Variants in PPARGC1A observed in about 807,000 individuals in gnomAD.
The protein encoded by PPARGC1A is PPARG coactivator 1 alpha, also known as peroxisome proliferator-activated receptor gamma coactivator 1-alpha.
A neutral mutation model predicts 88.7 loss-of-function variants in PPARGC1A; 25 were observed. That is an observed-to-expected ratio of 0.28 (90% CI 0.21 to 0.39). The LOEUF (loss-of-function observed/expected upper bound fraction) is 0.39, where lower values mean the gene tolerates loss of function less well. Among genes scored for constraint, PPARGC1A ranks in the 10% least tolerant of loss-of-function variants. The probability of loss-of-function intolerance (pLI) is 1.00; values close to 1 mark genes in which losing one functional copy is unlikely to be tolerated. For missense variants in PPARGC1A, 880 were observed against 968.7 expected, an observed-to-expected ratio of 0.91 and a Z score of 1.22; for synonymous variants, 363 against 355.6, an observed-to-expected ratio of 1.02 and a Z score of -0.24.
rs1165822767 is a variant in PPARGC1A, at chr4:23,792,338, G to T, written c.*3484C>A. 6.6e-6 allele frequency: 1 copy of T among 152,502 alleles called. No individual in the cohort carries two copies. The highest frequency in any genetic ancestry group is 6.6e-5 in the Admixed American group (1 of 15,238). 9.4% of individuals were successfully genotyped at this position (152,502 alleles called of 1,614,324 possible). ...CACATTATAGTACATGGCTATTCTAGGTCATCTATAGATCAGGTCTTAGAC... is the reference window on the plus strand; with the variant it reads ...CACATTATAGTACATGGCTATTCTATGTCATCTATAGATCAGGTCTTAGAC... On this transcript the variant is annotated 3_prime_UTR_variant, in exon 13 of 13. Coordinates refer to ENST00000264867, the MANE Select transcript of PPARGC1A (RefSeq NM_013261.5).
chr4:24,182,151 C>A, the PPARGC1A span, among the ~76,000 whole-genome samples: 1 of 152,120 alleles, frequency 6.6e-6, no homozygotes, highest in African/African-American at 2.4e-5. Flanking sequence ...CCTCTTCTTG[C>A]TCCCACCCCG....
At chr4:24,310,568 C>T in the PPARGC1A span, among the ~76,000 whole-genome samples, 1 of 152,096 alleles carries the variant, frequency 6.6e-6, no homozygotes, top group African/African-American at 2.4e-5. Context: ...CTGCATGGGG[C>T]CAACTGAAAG....
chr4:24,299,440 A>G, the PPARGC1A span, among the ~76,000 whole-genome samples: 1 of 152,148 alleles, frequency 6.6e-6, no homozygotes, highest in Non-Finnish European at 1.5e-5. Context: ...ACAGAAGTCA[A>G]TATATGGGCT....
At chr4:24,075,700 T>C in the PPARGC1A span, among the ~76,000 whole-genome samples, 1 of 152,156 alleles carries the variant, frequency 6.6e-6, no homozygotes, top group Admixed American at 6.5e-5. Flanking sequence ...GGAATTCCCC[T>C]GTGCATGCTC....
the PPARGC1A span, among the ~76,000 whole-genome samples, chr4:24,032,710 A>T: frequency 6.6e-6 from 1 of 152,142 alleles, no homozygotes; most frequent in African/African-American, 2.4e-5. Flanking sequence ...TTTTTAGCAC[A>T]TGTCAAAATT....
chr4:24,325,616 C>A, the PPARGC1A span, among the ~76,000 whole-genome samples: 1 of 152,302 alleles, frequency 6.6e-6, no homozygotes, highest in African/African-American at 2.4e-5. Flanking sequence ...ACTCCCAGAG[C>A]CCCTGGAACT....
At chr4:24,185,328 G>A in the PPARGC1A span, among the ~76,000 whole-genome samples, 1 of 152,128 alleles carries the variant, frequency 6.6e-6, no homozygotes, top group Admixed American at 6.5e-5. Flanking sequence ...ACAGAGAGGT[G>A]GATGATTTTT....
chr4:24,387,777 A>G, the PPARGC1A span, among the ~76,000 whole-genome samples: 1 of 67,392 alleles, frequency 1.5e-5, no homozygotes, highest in East Asian at 5.0e-4. Flanking sequence ...AGAAAGAAAG[A>G]AAGAAAGAAA....
the PPARGC1A span, among the ~76,000 whole-genome samples, chr4:23,969,812 G>A: frequency 6.6e-6 from 1 of 152,078 alleles, no homozygotes; most frequent in African/African-American, 2.4e-5. Context: ...TGCCTCAAGG[G>A]CAGCATCGAA....
chr4:23,988,730 G>A, the PPARGC1A span, among the ~76,000 whole-genome samples: 1 of 150,996 alleles, frequency 6.6e-6, no homozygotes, highest in African/African-American at 2.4e-5. Context: ...GTAAGTTTAT[G>A]TGTTTATATT....
the PPARGC1A span, among the ~76,000 whole-genome samples, chr4:24,207,536 T>C: frequency 1.3e-5 from 2 of 152,348 alleles, no homozygotes; most frequent in Admixed American, 1.3e-4. Context: ...ACTTGCTCAT[T>C]TTTAAACAAG....
the PPARGC1A span, among the ~76,000 whole-genome samples, chr4:23,921,858 C>T: frequency 3.9e-5 from 6 of 152,160 alleles, no homozygotes; most frequent in Admixed American, 1.3e-4. Flanking sequence ...AACGGAATAC[C>T]TCTTCTTGGC....
the PPARGC1A span, among the ~76,000 whole-genome samples, chr4:24,211,111 T>C: frequency 6.6e-6 from 1 of 152,198 alleles, no homozygotes; most frequent in African/African-American, 2.4e-5. Flanking sequence ...AAGAACTTTT[T>C]CATGTCTTGT....
At chr4:23,907,624 A>G (rs553623039), upstream of PPARGC1A, among the ~76,000 whole-genome samples, 1 of 152,292 alleles carries the variant, frequency 6.6e-6, no homozygotes, top group South Asian at 2.1e-4. Context: ...TACCTACCTC[A>G]CAGACTAAAC....
the PPARGC1A span, among the ~76,000 whole-genome samples, chr4:24,163,209 C>T: frequency 7.5e-5 from 11 of 147,624 alleles, no homozygotes; most frequent in Admixed American, 4.8e-4. Flanking sequence ...ATGTGCCATA[C>T]TAGATAAAAG....
At position 23,805,083 on chromosome 4, in the gene PPARGC1A, T is replaced by C. The variant is rs147812461; in HGVS notation, c.2020-2738A>G. On this transcript the variant is annotated intron_variant, in intron 10 of 12. Transcript: ENST00000264867. The stretch of plus-strand genomic sequence containing the variant: ...ACAGACTATCAATGAATATCTGCTA[T>C]AAAATCAATCAGTTACTAATCAATT... Among the ~76,000 whole-genome samples the C allele has an allele frequency of 3.3e-5, 5 of 152,254 alleles. No homozygotes were observed. The East Asian group carries it at 9.6e-4, about 29-fold the overall frequency.
At chr4:24,075,862 G>A in the PPARGC1A span, among the ~76,000 whole-genome samples, 248 of 152,066 alleles carry the variant, frequency 1.6e-3, no homozygotes, top group Non-Finnish European at 2.6e-3. Context: ...TATTACCAGC[G>A]TGAGAACAGA....
the PPARGC1A span, among the ~76,000 whole-genome samples, chr4:23,988,641 A>AGAGC: frequency 6.6e-6 from 1 of 151,086 alleles, no homozygotes; most frequent in South Asian, 2.1e-4. Context: ...TTATATACAG[A>AGAGC]GATAGATATG....
At chr4:24,153,215 G>A in the PPARGC1A span, among the ~76,000 whole-genome samples, 1 of 152,084 alleles carries the variant, frequency 6.6e-6, no homozygotes, top group Non-Finnish European at 1.5e-5. Context: ...AGAGGACGAG[G>A]AATACTGGCA....
Sources: allele counts gnomAD v4.1 joint callset (sites outside exome capture counted in the v4.1 genomes callset), GRCh38; gene constraint gnomAD v4.1.1; transcripts MANE v1.5; gene names NCBI Gene and HGNC (gene_info 2026-07-23, HGNC 2026-07-21).